Variants in IQCM observed in about 807,000 individuals in gnomAD.
IQCM encodes IQ motif containing M, also known as IQ domain-containing protein M.
A neutral mutation model predicts 57.6 loss-of-function variants in IQCM; 45 were observed. The observed-to-expected ratio is 0.78, with a 90% CI of 0.62 to 1.00. IQCM has a LOEUF of 1.00. Ranked by LOEUF, IQCM falls within the 50% of genes least tolerant of loss-of-function variation. IQCM has a pLI of 0.00. For missense variants in IQCM, 468 were observed against 511.6 expected (o/e 0.91, Z 0.82); for synonymous variants, 148 against 158.9 (o/e 0.93, Z 0.51).
intron 13 of IQCM, among the ~76,000 whole-genome samples, chr4:149,400,063 A>G (rs1732506384): frequency 6.6e-6 from 1 of 152,028 alleles, no homozygotes; most frequent in Non-Finnish European, 1.5e-5. Context: ...TTTGTTGCTT[A>G]TGTTTTTTAA....
At chr4:149,549,080 C>T (rs2149897434) in intron 11 of IQCM, among the ~76,000 whole-genome samples, 1 of 152,264 alleles carries the variant, frequency 6.6e-6, no homozygotes, top group South Asian at 2.1e-4. Context: ...CTACTTTTTG[C>T]TCACTAACTT....
chr4:149,549,132 T>C (rs1346017583), intron 11 of IQCM, among the ~76,000 whole-genome samples: 4 of 152,208 alleles, frequency 2.6e-5, no homozygotes, highest in African/African-American at 7.2e-5. Context: ...TTGTCACTCC[T>C]GGCTCAAGAC....
At chr4:149,749,358 A>G (rs1768218806) in intron 2 of IQCM, among the ~76,000 whole-genome samples, 1 of 152,258 alleles carries the variant, frequency 6.6e-6, no homozygotes, top group Non-Finnish European at 1.5e-5. Flanking sequence ...AATATTTCAC[A>G]TCAGTGAAAA....
chr4:149,649,350 G>A (rs868635880), intron 7 of IQCM, among the ~76,000 whole-genome samples: 1 of 151,992 alleles, frequency 6.6e-6, no homozygotes. Context: ...GGCCCTGACT[G>A]TTTCCCTTAC....
intron 2 of IQCM, among the ~76,000 whole-genome samples, chr4:149,801,153 T>A (rs1261735075): frequency 2.6e-5 from 4 of 151,766 alleles, no homozygotes; most frequent in Non-Finnish European, 1.5e-5. Context: ...ACATCATGGA[T>A]CATCAGAGAA....
At chr4:149,804,310 G>T (rs983602746) in intron 2 of IQCM, among the ~76,000 whole-genome samples, 1 of 151,938 alleles carries the variant, frequency 6.6e-6, no homozygotes, top group South Asian at 2.1e-4. Context: ...AAAGTATGGG[G>T]GCCTTCCTTA....
intron 2 of IQCM, among the ~76,000 whole-genome samples, chr4:149,771,672 T>C (rs1770594694): frequency 6.6e-6 from 1 of 152,092 alleles, no homozygotes; most frequent in South Asian, 2.1e-4. Context: ...GATTACATTG[T>C]ATATCCTAAG....
intron 12 of IQCM, among the ~76,000 whole-genome samples, chr4:149,489,033 G>A (rs557463677): frequency 9.9e-5 from 15 of 152,184 alleles, no homozygotes; most frequent in African/African-American, 2.9e-4. Context: ...AGACTTTCAT[G>A]ATCAGCCCTC....
intron 10 of IQCM, among the ~76,000 whole-genome samples, chr4:149,554,948 C>T (rs924259078): frequency 6.6e-6 from 1 of 152,092 alleles, no homozygotes; most frequent in African/African-American, 2.4e-5. Context: ...ATCCGCCTGC[C>T]TCGGCCTCCC....
intron 8 of IQCM, among the ~76,000 whole-genome samples, chr4:149,590,873 C>T (rs1388684890): frequency 1.3e-5 from 2 of 151,928 alleles, no homozygotes; most frequent in Non-Finnish European, 2.9e-5. Flanking sequence ...TGGGTTGGTT[C>T]CAAGTCTTTG....
chr4:149,529,129 T>C (rs1285544062), intron 12 of IQCM, among the ~76,000 whole-genome samples: 1 of 152,088 alleles, frequency 6.6e-6, no homozygotes, highest in Non-Finnish European at 1.5e-5. Context: ...AGTAGCACAA[T>C]CTCAGCTCAC....
At chr4:149,490,932 A>G (rs895604323) in intron 12 of IQCM, among the ~76,000 whole-genome samples, 1 of 152,162 alleles carries the variant, frequency 6.6e-6, no homozygotes, top group African/African-American at 2.4e-5. Flanking sequence ...AACAGAAGGG[A>G]AACAGATGCT....
chr4:149,715,344 T>C (rs1461214162), intron 5 of IQCM, among the ~76,000 whole-genome samples: 1 of 152,136 alleles, frequency 6.6e-6, no homozygotes, highest in Non-Finnish European at 1.5e-5. Flanking sequence ...GGTGGCCAGC[T>C]CCCAGCACCA....
chr4:149,368,799 T>C (rs1472941365), intron 13 of IQCM, among the ~76,000 whole-genome samples: 3 of 121,552 alleles, frequency 2.5e-5, no homozygotes, highest in African/African-American at 9.4e-5. Flanking sequence ...TATATACATA[T>C]ATATACATGT....
intron 12 of IQCM, among the ~76,000 whole-genome samples, chr4:149,508,848 AC>A (rs1198129608): frequency 6.6e-6 from 1 of 152,156 alleles, no homozygotes; most frequent in African/African-American, 2.4e-5. Flanking sequence ...TTGAATACCC[AC>A]ATTGTGGGAA....
At chr4:149,503,060 T>A (rs1248189884) in intron 12 of IQCM, among the ~76,000 whole-genome samples, 1 of 151,530 alleles carries the variant, frequency 6.6e-6, no homozygotes, top group South Asian at 2.1e-4. Flanking sequence ...AAAAAAAAAA[T>A]TGTTATTTTA....
At chr4:149,482,875 C>G (rs1741067460) in intron 12 of IQCM, among the ~76,000 whole-genome samples, 1 of 151,378 alleles carries the variant, frequency 6.6e-6, no homozygotes, top group Non-Finnish European at 1.5e-5. Flanking sequence ...TGGTATAATT[C>G]AGCAGTGAAG....
chr4:149,561,904 G>A (rs931724929), intron 10 of IQCM, among the ~76,000 whole-genome samples: 3 of 152,138 alleles, frequency 2.0e-5, no homozygotes, highest in Non-Finnish European at 4.4e-5. Flanking sequence ...ACCAGAGAGG[G>A]TGTCTAAGTG....
At chr4:149,523,186 A>C (rs1745834174) in intron 12 of IQCM, among the ~76,000 whole-genome samples, 1 of 152,116 alleles carries the variant, frequency 6.6e-6, no homozygotes, top group Admixed American at 6.6e-5. Context: ...TTATAAAAGC[A>C]CTAATCCCAT....
Sources: gnomAD v4.1 joint callset for allele counts (sites outside exome capture counted in the v4.1 genomes callset) on GRCh38, gnomAD v4.1.1 for gene constraint, MANE v1.5 for transcripts, NCBI Gene and HGNC (gene_info 2026-07-23, HGNC 2026-07-21) for gene names.